The following ATP11C variants were observed in gnomAD, a reference collection of about 807,000 sequenced individuals.
The protein encoded by ATP11C is ATPase phospholipid transporting 11C (ATP11C blood group), also known as phospholipid-transporting ATPase IG.
A neutral mutation model predicts 97.4 loss-of-function variants in ATP11C; 36 were observed. The ratio of observed to expected loss-of-function variants is 0.37; its 90% CI spans 0.28 to 0.49. ATP11C has a LOEUF of 0.49. Among genes scored for constraint, ATP11C ranks in the 20% least tolerant of loss-of-function variants. ATP11C has a pLI of 0.98. For synonymous variants in ATP11C, 275 were observed against 290.9 expected, an observed-to-expected ratio of 0.95 and a Z score of 0.56; for missense variants, 730 against 824.6, an observed-to-expected ratio of 0.89 and a Z score of 1.40.
chrX:139,731,731 A>G lies in ATP11C; in HGVS notation c.3313T>C (p.Ser1105Pro). Residue 1105 changes from serine (S) to proline (P), a missense_variant, in exon 29 of 30, where the codon TCT becomes CCT. Coordinates refer to ENST00000682941, the MANE Select transcript of ATP11C (RefSeq NM_001353812.2). ...ARRNLSCRRA[S>P]DSLSARPSVR... is the part of the protein sequence containing the mutation. ...GAAGGTCTGGCGGATAATGAGTCAG[A>G]TGCCCTTCTACAGCTCAGATTTCTC... The G allele has an allele frequency of 1.7e-6, 2 of 1,193,382 alleles. No homozygotes were observed. Among genetic ancestry groups the G allele is most frequent in the Non-Finnish European group, 2.3e-6 (2 of 883,070 alleles).
chrX:139,884,717 T>C (rs1003591039), intron 1 of ATP11C, among the ~76,000 whole-genome samples: 2 of 112,173 alleles, frequency 1.8e-5, no homozygotes, highest in African/African-American at 3.2e-5. Context: ...GTAGACAAAA[T>C]GAATTCCATT....
intron 1 of ATP11C, among the ~76,000 whole-genome samples, chrX:139,859,713 A>G (rs184548303): frequency 8.9e-6 from 1 of 112,481 alleles, no homozygotes; most frequent in Non-Finnish European, 1.9e-5. Context: ...TGCATAATGC[A>G]TTTGTGTCTA....
rs61153084 is a variant in ATP11C, at chrX:139,896,546, TACACACACACAC to T, written c.27+35458_27+35469del. ...GAAGTATGAACTTCAGTTAATTTTA[TACACACACACAC>T]ACACACACACACACACACACACACA... On this transcript the variant is annotated intron_variant, in intron 1 of 29. Transcript: ENST00000682941. Among the ~76,000 whole-genome samples, 532 of 79,798 alleles carry T rather than the reference TACACACACACAC, an allele frequency of 6.7e-3. 4 individuals carry two copies. Among genetic ancestry groups the T allele is most frequent in the African/African-American group, 0.02 (421 of 21,341 alleles). The allele number at this position is 79,798 out of a possible 115,157, so 69.3% of individuals were successfully genotyped here. A position where few individuals can be genotyped will look rare whatever the true frequency, so the allele number is the denominator to read the frequency against.
intron 20 of ATP11C, among the ~76,000 whole-genome samples, chrX:139,767,700 C>G (rs1194106490): frequency 1.8e-5 from 2 of 111,528 alleles, no homozygotes; most frequent in East Asian, 5.6e-4. Flanking sequence ...GGAGAGAAAA[C>G]TTTGCCCTAG....
chrX:139,800,918 A>T (rs1489363803), intron 7 of ATP11C, among the ~76,000 whole-genome samples: 1 of 112,236 alleles, frequency 8.9e-6, no homozygotes, highest in Non-Finnish European at 1.9e-5. Context: ...ATCATATATT[A>T]ATTGTGCCAG....
At chrX:139,745,914 T>G in intron 24 of ATP11C, 57 bp from the exon 25 acceptor site, 2 of 1,133,845 alleles carry the variant, frequency 1.8e-6, no homozygotes, top group South Asian at 4.1e-5. Flanking sequence ...AAACATACAG[T>G]GAAATGTCAA....
intron 1 of ATP11C, among the ~76,000 whole-genome samples, chrX:139,924,539 C>A (rs5955049): frequency 0.059 from 6,507 of 111,083 alleles, 441 homozygotes; most frequent in African/African-American, 0.2. Flanking sequence ...TGGCTGGTGT[C>A]TGGGGACTTG....
chrX:139,831,249 A>G lies in ATP11C; in HGVS notation c.28-4426T>C, dbSNP rs113684789. 3.3e-3 allele frequency among the ~76,000 whole-genome samples: 365 copies of G among 111,111 alleles called. 2 individuals carry two copies. Among genetic ancestry groups the G allele is most frequent in the African/African-American group, 0.01 (312 of 30,532 alleles). ...CTTAATTACAGTCATATTAACTGAA[A>G]TTCTCAAACACCTGACCAAAGGACA... On this transcript the variant is annotated intron_variant, in intron 1 of 29. Transcript: ENST00000682941.
In ATP11C at chrX:139,932,097, C is replaced by CGCG; in HGVS notation, c.-56_-55insCGC. The CGCG allele has an allele frequency of 1.8e-6, 2 of 1,101,366 alleles. No individual in the cohort carries two copies. Among genetic ancestry groups the CGCG allele is most frequent in the Non-Finnish European group, 2.4e-6 (2 of 832,904 alleles). The allele number at this position is 1,101,366 out of a possible 1,213,427, so 90.8% of individuals were successfully genotyped here. ...GGCTCTACCGGGCTGTCTGGGAAGG[C>CGCG]GCCGTCCACAAAACACACTGCGGCG... On this transcript the variant is annotated 5_prime_UTR_variant, in exon 1 of 30. Coordinates refer to ENST00000682941, the MANE Select transcript of ATP11C (RefSeq NM_001353812.2).
chrX:139,811,761 G>T (rs1467729047), intron 5 of ATP11C, among the ~76,000 whole-genome samples: 2 of 110,659 alleles, frequency 1.8e-5, no homozygotes, highest in African/African-American at 6.6e-5. Context: ...TACTAGTAGT[G>T]GGCAAGTTCC....
At chrX:139,934,083 A>G (rs900245474), upstream of ATP11C, among the ~76,000 whole-genome samples, 5 of 111,995 alleles carry the variant, frequency 4.5e-5, no homozygotes, top group African/African-American at 1.6e-4. Context: ...ACTGAGCCCA[A>G]GGGGACAAAG....
intron 28 of ATP11C, among the ~76,000 whole-genome samples, chrX:139,734,807 A>G (rs1264174487): frequency 1.8e-5 from 2 of 111,509 alleles, no homozygotes; most frequent in Non-Finnish European, 3.8e-5. Context: ...CTCATTGCTA[A>G]AAATACAGCT....
chrX:139,880,847 A>G (rs2084549968), intron 1 of ATP11C, among the ~76,000 whole-genome samples: 1 of 112,217 alleles, frequency 8.9e-6, no homozygotes, highest in Non-Finnish European at 1.9e-5. Context: ...ACACCAGGTT[A>G]GCACACAATG....
intron 1 of ATP11C, among the ~76,000 whole-genome samples, chrX:139,869,269 C>G (rs1181835876): frequency 2.7e-5 from 3 of 111,744 alleles, no homozygotes; most frequent in South Asian, 7.4e-4. Flanking sequence ...ATATTCGTAT[C>G]TGATTGAATT....
At position 139,751,511 on chromosome X, in the gene ATP11C, A is replaced by G. The variant is rs1390730021; in HGVS notation, c.2701-1359T>C. The stretch of plus-strand genomic sequence containing the variant: ...GGAGAGGACTAGTCCGTGGCACATA[A>G]CACCACATTTTCTTTGGAAGCTACT... On this transcript the variant is annotated intron_variant, in intron 23 of 29. Coordinates refer to ENST00000682941, the MANE Select transcript of ATP11C (RefSeq NM_001353812.2). 2.7e-5 allele frequency among the ~76,000 whole-genome samples: 3 copies of G among 112,496 alleles called. No individual in the cohort carries two copies. The Admixed American group carries it at 2.8e-4, about 11-fold the overall frequency.
chrX:139,933,619 G>A (rs759636495), upstream of ATP11C, among the ~76,000 whole-genome samples: 50 of 112,287 alleles, frequency 4.5e-4, no homozygotes, highest in Non-Finnish European at 3.6e-4. Context: ...TCAAAAAGAA[G>A]GAAAGGGAGT....
intron 1 of ATP11C, among the ~76,000 whole-genome samples, chrX:139,919,743 A>T (rs2085224173): frequency 9.0e-6 from 1 of 110,756 alleles, no homozygotes; most frequent in African/African-American, 3.3e-5. Context: ...AATATGGTGA[A>T]ACCCCATATC....
upstream of ATP11C, among the ~76,000 whole-genome samples, chrX:139,934,552 CT>C (rs760781660): frequency 0.017 from 1,612 of 93,640 alleles, 14 homozygotes; most frequent in African/African-American, 0.038. Context: ...CTAGCTTTAC[CT>C]TTTTTTTTTT....
intron 26 of ATP11C, among the ~76,000 whole-genome samples, chrX:139,743,307 T>C (rs1190342483): frequency 9.1e-6 from 1 of 110,484 alleles, no homozygotes; most frequent in Non-Finnish European, 1.9e-5. Flanking sequence ...GACATAAGTA[T>C]GGTGTTTGAA....
Sources: gnomAD v4.1 joint callset for allele counts (sites outside exome capture counted in the v4.1 genomes callset) on GRCh38, gnomAD v4.1.1 for gene constraint, MANE v1.5 for transcripts, NCBI Gene and HGNC (gene_info 2026-07-23, HGNC 2026-07-21) for gene names.